LSS: variants seen among roughly 807,000 people sequenced by gnomAD.
LSS encodes the protein lanosterol synthase, also known as 2,3-epoxysqualene-lanosterol cyclase.
LSS carries 90 observed loss-of-function variants against 110.3 expected under a neutral mutation model. That is an observed-to-expected ratio of 0.82 (90% confidence interval 0.69 to 0.97). LSS has a LOEUF of 0.97. Among genes scored for constraint, LSS ranks in the 50% least tolerant of loss-of-function variants. The probability of loss-of-function intolerance (pLI) is 0.00; values close to 1 mark genes in which losing one functional copy is unlikely to be tolerated. For missense variants in LSS, 927 were observed against 990.0 expected (o/e 0.94, Z 0.85); for synonymous variants, 433 against 400.0 (o/e 1.08, Z -0.98).
chr21:46,208,306 G>A lies in LSS; in HGVS notation c.1267-5C>T, dbSNP rs1479964077. The A allele has an allele frequency of 1.3e-6, 2 of 1,552,498 alleles. No homozygotes were observed. Among genetic ancestry groups the A allele is most frequent in the Middle Eastern group, 1.7e-4 (1 of 5,992 alleles). On this transcript the variant is annotated splice_region_variant and splice_polypyrimidine_tract_variant and intron_variant, in intron 13 of 21. Transcript: ENST00000397728. The stretch of plus-strand genomic sequence containing the variant: ...GTCGGGAGGGTTATCTGGGACCTGG[G>A]CAGCATCGAGGGCAAATGTGGAAGC...
intron 3 of LSS, 45 bp from the exon 4 acceptor site, chr21:46,222,783 G>A (rs958757052): frequency 1.4e-6 from 2 of 1,434,450 alleles, no homozygotes; most frequent in East Asian, 2.3e-5. Flanking sequence ...AGGTGGTCAT[G>A]ACTGCTAAGA....
At position 46,189,854 on chromosome 21, in the gene LSS, C is replaced by T. The variant is rs1329619587; in HGVS notation, c.*1250G>A. 2.6e-6 allele frequency: 1 copy of T among 386,896 alleles called. No individual in the cohort carries two copies. The highest frequency in any genetic ancestry group is 5.1e-6 in the Non-Finnish European group (1 of 197,376). 24.0% of individuals were successfully genotyped at this position (386,896 alleles called of 1,614,324 possible). ...GTAGCCAGGGGAGAGCAGTGACAGT[C>T]TCAGGTGGCCCTGAGCATGTGAGCT... On this transcript the variant is annotated 3_prime_UTR_variant, in exon 22 of 22. Coordinates refer to ENST00000397728, the MANE Select transcript of LSS (RefSeq NM_002340.6).
At position 46,227,647 on chromosome 21, in the gene LSS, T is replaced by C; in HGVS notation, c.224A>G (p.Glu75Gly). The C allele has an allele frequency of 6.2e-7, 1 of 1,612,278 alleles. No individual in the cohort carries two copies. The change falls in exon 3 of 22, where the codon GAG (glutamate) becomes GGG (glycine). Residue 75 changes from glutamate (E) to glycine (G), a missense_variant. By Grantham distance (98) the Glu-to-Gly change is moderately conservative. Transcript: ENST00000397728. Reference sequence around the variant, plus strand: ...AAATGTCATCCCGTTCAGAGCCCCCTCAAAGGCGGTGTGGGCTTTGGGCAA... The same window carrying C: ...AAATGTCATCCCGTTCAGAGCCCCCCCAAAGGCGGTGTGGGCTTTGGGCAA... ...KDLPKAHTAF[E>G]GALNGMTFYV... is the part of the protein sequence containing the mutation.
chr21:46,206,937 C>T (rs910509606), intron 15 of LSS, among the ~76,000 whole-genome samples, 169 bp from the exon 16 acceptor site: 6 of 152,196 alleles, frequency 3.9e-5, no homozygotes, highest in African/African-American at 1.4e-4. Flanking sequence ...GTGCCCCAAG[C>T]AGCAGCTGCA....
rs751357855 is a variant in LSS, at chr21:46,214,462, CA to C, written c.1012-628del. 9.8e-5 allele frequency among the ~76,000 whole-genome samples: 15 copies of C among 152,366 alleles called. No homozygotes were observed. In the East Asian group the frequency reaches 2.7e-3, roughly 27 times the overall value. ...CAGGATTTGTGATCCACTGAGGTGG[CA>C]TGAGGCCCAGAAAATCCGAGATGCA... On this transcript the variant is annotated intron_variant, in intron 9 of 21. Coordinates refer to ENST00000397728, the MANE Select transcript of LSS (RefSeq NM_002340.6).
At chr21:46,199,557 T>C (rs1433224585) in intron 17 of LSS, among the ~76,000 whole-genome samples, 2 of 152,232 alleles carry the variant, frequency 1.3e-5, no homozygotes, top group African/African-American at 2.4e-5. Context: ...CTAACATTGA[T>C]AGCAACTTTA....
At position 46,195,759 on chromosome 21, in the gene LSS, G is replaced by A. The variant is rs1381670485; in HGVS notation, c.1737-3C>T. 2 of 1,613,260 alleles carry A rather than the reference G, an allele frequency of 1.2e-6. No individual in the cohort carries two copies. Among genetic ancestry groups the A allele is most frequent in the African/African-American group, 1.3e-5 (1 of 75,056 alleles). On this transcript the variant is annotated splice_polypyrimidine_tract_variant and splice_region_variant and intron_variant, in intron 18 of 21. Coordinates refer to ENST00000397728, the MANE Select transcript of LSS (RefSeq NM_002340.6). ...AGGTGAAGCAAACTCCCCAGGAGCTGGAGGGAAACAGGGAGAGCCTCAGCC... is the reference window on the plus strand; with the variant it reads ...AGGTGAAGCAAACTCCCCAGGAGCTAGAGGGAAACAGGGAGAGCCTCAGCC...
chr21:46,214,480 C>T (rs965349777), intron 9 of LSS, among the ~76,000 whole-genome samples: 5 of 152,320 alleles, frequency 3.3e-5, no homozygotes, highest in Admixed American at 1.3e-4. Flanking sequence ...CCAGAAAATC[C>T]GAGATGCAGT....
At chr21:46,204,727 C>A (rs1305166798) in intron 17 of LSS, among the ~76,000 whole-genome samples, 1 of 152,018 alleles carries the variant, frequency 6.6e-6, no homozygotes, top group Non-Finnish European at 1.5e-5. Context: ...GTAATTTTTC[C>A]CAAACATTTA....
rs58875826 is a variant in LSS at position 46,195,563 on chromosome 21, AAAACAAAC to A, written c.1817+105_1817+112del. 47 of 1,013,730 alleles carry A rather than the reference AAAACAAAC, an allele frequency of 4.6e-5. No homozygotes were observed. In the East Asian group the frequency reaches 4.7e-4, roughly 10 times the overall value. The allele number at this position is 1,013,730 out of a possible 1,614,324, so 62.8% of individuals were successfully genotyped here. ...GTTGACAGAGCGAGACTCCGTCTCA[AAAACAAAC>A]AAACAAACAAACAAACCCTAAAACC... On this transcript the variant is annotated intron_variant, in intron 19 of 21. Transcript: ENST00000397728.
intron 20 of LSS, chr21:46,192,501 G>A (rs995714133): frequency 1.1e-5 from 5 of 453,862 alleles, no homozygotes; most frequent in Admixed American, 9.4e-5. Context: ...CAGACGGGAT[G>A]TTGCGGGTGC....
At chr21:46,201,887 T>C (rs984697310) in intron 17 of LSS, among the ~76,000 whole-genome samples, 1 of 148,520 alleles carries the variant, frequency 6.7e-6, no homozygotes, top group Non-Finnish European at 1.5e-5. Context: ...AAGCTCCACC[T>C]CCCGGGTTCA....
intron 7 of LSS, 67 bp from the exon 8 acceptor site, chr21:46,215,860 G>GCCACCCCTCCT: frequency 9.1e-7 from 1 of 1,093,414 alleles, no homozygotes; most frequent in Non-Finnish European, 1.3e-6. Flanking sequence ...AAACCAGGAG[G>GCCACCCCTCCT]GGTGGCCTCC....
rs2079777545 is a variant in LSS, at chr21:46,189,710, G to A, written c.*1394C>T. The A allele has an allele frequency of 2.2e-6, 1 of 456,886 alleles. No homozygotes were observed. The highest frequency in any genetic ancestry group is 4.4e-6 in the Non-Finnish European group (1 of 226,942). The allele number at this position is 456,886 out of a possible 1,614,324, so 28.3% of individuals were successfully genotyped here. A position where few individuals can be genotyped will look rare whatever the true frequency, so the allele number is the denominator to read the frequency against. On this transcript the variant is annotated 3_prime_UTR_variant, in exon 22 of 22. Transcript: ENST00000397728. ...GAGGGAGAGTGATCAGCCAGGGGGA[G>A]AGGCCAGGGACTGCTACCTGCCCAG...
In LSS at chr21:46,215,265, G is replaced by T; in HGVS notation, c.926C>A (p.Ala309Asp). Reference sequence around the variant, plus strand: ...CTGCACGGCCCGCTGCCGCAGGTGGGCACTGTGGTGGTGCTCATACAGGTT... The same window carrying T: ...CTGCACGGCCCGCTGCCGCAGGTGGTCACTGTGGTGGTGCTCATACAGGTT... ...LLNLYEHHHS[A>D]HLRQRAVQKL... Residue 309 changes from alanine to aspartate, a missense_variant, in exon 9 of 22, where the codon GCC becomes GAC. Transcript: ENST00000397728. The T allele has an allele frequency of 6.2e-7, 1 of 1,610,484 alleles. No homozygotes were observed. The highest frequency in any genetic ancestry group is 8.5e-7 in the Non-Finnish European group (1 of 1,179,818).
At chr21:46,203,640 C>A (rs574554444) in intron 17 of LSS, among the ~76,000 whole-genome samples, 1 of 152,240 alleles carries the variant, frequency 6.6e-6, no homozygotes, top group Non-Finnish European at 1.5e-5. Context: ...CACCTCATGC[C>A]GCAGAGCAGC....
chr21:46,223,693 T>A (rs554654019), intron 3 of LSS, among the ~76,000 whole-genome samples: 1 of 152,272 alleles, frequency 6.6e-6, no homozygotes, highest in East Asian at 1.9e-4. Context: ...TCTACAATCA[T>A]AACCTAGGAA....
chr21:46,222,085 T>A, intron 4 of LSS, 110 bp from the exon 5 acceptor site: 1 of 1,205,566 alleles, frequency 8.3e-7, no homozygotes, highest in Non-Finnish European at 1.2e-6. Flanking sequence ...TAAAATGCCT[T>A]AACCTGACAT....
intron 17 of LSS, among the ~76,000 whole-genome samples, chr21:46,199,818 G>A (rs999551638): frequency 2.0e-5 from 3 of 152,330 alleles, no homozygotes; most frequent in South Asian, 2.1e-4. Flanking sequence ...CGGGGACAGC[G>A]CAGAGGACTC....
Sources: allele counts gnomAD v4.1 joint callset (sites outside exome capture counted in the v4.1 genomes callset), GRCh38; gene constraint gnomAD v4.1.1; transcripts MANE v1.5; gene names NCBI Gene and HGNC (gene_info 2026-07-23, HGNC 2026-07-21).